Variants in IL1RAP observed in about 807,000 individuals in gnomAD.
IL1RAP encodes interleukin 1 receptor accessory protein.
A neutral mutation model predicts 60.7 loss-of-function variants in IL1RAP; 35 were observed. That is an observed-to-expected ratio of 0.58 (90% CI 0.44 to 0.76). IL1RAP has a LOEUF of 0.76. Ranked by LOEUF, IL1RAP falls within the 30% of genes least tolerant of loss-of-function variation. The probability of loss-of-function intolerance (pLI) is 0.00; values close to 1 mark genes in which losing one functional copy is unlikely to be tolerated. For missense variants in IL1RAP, 572 were observed against 693.9 expected (o/e 0.82, Z 1.97); for synonymous variants, 268 against 250.9 (o/e 1.07, Z -0.64).
In IL1RAP at chr3:190,565,257, T is replaced by G. The variant is rs529256452; in HGVS notation, c.64+904T>G. 2.4e-3 allele frequency among the ~76,000 whole-genome samples: 369 copies of G among 151,800 alleles called. 2 individuals are homozygous for G. The highest frequency in any genetic ancestry group is 8.5e-3 in the African/African-American group (353 of 41,388). On this transcript the variant is annotated intron_variant, in intron 3 of 11. Transcript: ENST00000447382. ...AATTGTAATGAAGGGAACCTAGAGGTCCTCATTTTATAAAGCTTTTCATGT... is the reference window on the plus strand; with the variant it reads ...AATTGTAATGAAGGGAACCTAGAGGGCCTCATTTTATAAAGCTTTTCATGT...
At position 190,656,979 on chromosome 3, in the gene IL1RAP, G is replaced by T. The variant is rs116178897; in HGVS notation, c.*372G>T. 9.5e-3 allele frequency: 1,558 copies of T among 164,600 alleles called. 27 individuals carry two copies. Among genetic ancestry groups the T allele is most frequent in the African/African-American group, 0.035 (1,466 of 41,834 alleles). 10.2% of individuals were successfully genotyped at this position (164,600 alleles called of 1,614,324 possible). A position where few individuals can be genotyped will look rare whatever the true frequency, so the allele number is the denominator to read the frequency against. ...CAGTCAGGTGTACTTGGGCTATGATGCTTACAGGGTGTATGCATTCCCAGG... is the reference window on the plus strand; with the variant it reads ...CAGTCAGGTGTACTTGGGCTATGATTCTTACAGGGTGTATGCATTCCCAGG... On this transcript the variant is annotated 3_prime_UTR_variant, in exon 12 of 12. Coordinates refer to the IL1RAP transcript ENST00000317757.
At chr3:190,597,193 C>T (rs1006224626) in intron 3 of IL1RAP, among the ~76,000 whole-genome samples, 6 of 152,018 alleles carry the variant, frequency 3.9e-5, no homozygotes, top group Middle Eastern at 3.2e-3. Flanking sequence ...CATATTAAGC[C>T]GATGGATTGG....
intron 3 of IL1RAP, among the ~76,000 whole-genome samples, chr3:190,574,377 A>C (rs1390111792): frequency 6.6e-6 from 1 of 152,210 alleles, no homozygotes. Flanking sequence ...CAGATGAATG[A>C]AGGAAAGGTG....
chr3:190,537,096 C>T (rs902748814), intron 1 of IL1RAP, among the ~76,000 whole-genome samples: 2 of 152,054 alleles, frequency 1.3e-5, no homozygotes, highest in East Asian at 1.9e-4. Flanking sequence ...AAGTGAGACT[C>T]GTAGCCTATC....
At chr3:190,548,808 A>G (rs1179862953) in intron 1 of IL1RAP, among the ~76,000 whole-genome samples, 1 of 152,202 alleles carries the variant, frequency 6.6e-6, no homozygotes, top group African/African-American at 2.4e-5. Context: ...GTTAAGACTT[A>G]TTTCCTTTCA....
At chr3:190,644,164 G>A in intron 9 of IL1RAP, 84 bp from the exon 10 acceptor site, 1 of 1,518,026 alleles carries the variant, frequency 6.6e-7, no homozygotes, top group African/African-American at 1.4e-5. Context: ...TAAGCTGCTT[G>A]GCTTATCCAG....
At chr3:190,651,862 CAG>C (rs952662720), downstream of IL1RAP, among the ~76,000 whole-genome samples, 4 of 135,664 alleles carry the variant, frequency 2.9e-5, no homozygotes, top group African/African-American at 1.5e-4. Context: ...TACAGAGAGA[CAG>C]AGAAAAAGGA....
At chr3:190,528,769 A>G (rs1722723966) in intron 1 of IL1RAP, among the ~76,000 whole-genome samples, 1 of 152,236 alleles carries the variant, frequency 6.6e-6, no homozygotes, top group South Asian at 2.1e-4. Context: ...AGGAAAGACA[A>G]TTGTGTAACT....
At chr3:190,654,220 A>ACACG (rs1734529701), downstream of IL1RAP, among the ~76,000 whole-genome samples, 2 of 150,146 alleles carry the variant, frequency 1.3e-5, no homozygotes, top group Admixed American at 1.3e-4. Flanking sequence ...ACACACACAC[A>ACACG]CACACACACA....
chr3:190,573,716 T>C (rs1229365132), intron 3 of IL1RAP, among the ~76,000 whole-genome samples: 1 of 152,218 alleles, frequency 6.6e-6, no homozygotes, highest in Non-Finnish European at 1.5e-5. Context: ...TGAAGCATTT[T>C]ACAGTATTGG....
intron 1 of IL1RAP, among the ~76,000 whole-genome samples, chr3:190,548,737 A>T (rs190294735): frequency 1.2e-4 from 19 of 152,344 alleles, no homozygotes; most frequent in African/African-American, 4.3e-4. Context: ...CAAAGGCAAG[A>T]TGAGAGAGAC....
chr3:190,626,051 C>T (rs779538977), intron 7 of IL1RAP, among the ~76,000 whole-genome samples: 1 of 152,060 alleles, frequency 6.6e-6, no homozygotes, highest in Non-Finnish European at 1.5e-5. Flanking sequence ...TCATCTAAAC[C>T]AGGACACTTT....
At chr3:190,575,264 A>G (rs1181731744) in intron 3 of IL1RAP, among the ~76,000 whole-genome samples, 1 of 152,142 alleles carries the variant, frequency 6.6e-6, no homozygotes, top group Admixed American at 6.6e-5. Context: ...GTATTCATTC[A>G]TTCATTCATC....
chr3:190,656,227 C>T (rs548561781), downstream of IL1RAP: 1 of 1,537,208 alleles, frequency 6.5e-7, no homozygotes, highest in South Asian at 1.2e-5. Flanking sequence ...CTGCTCTTCC[C>T]AGTCTGACAT....
At chr3:190,635,343 T>C (rs951996844) in intron 9 of IL1RAP, among the ~76,000 whole-genome samples, 5 of 152,144 alleles carry the variant, frequency 3.3e-5, no homozygotes, top group Admixed American at 2.6e-4. Flanking sequence ...CTCTGTTGTT[T>C]ATATATTTAT....
At chr3:190,560,499 G>T (rs546435296) in intron 2 of IL1RAP, among the ~76,000 whole-genome samples, 1 of 152,318 alleles carries the variant, frequency 6.6e-6, no homozygotes, top group East Asian at 1.9e-4. Context: ...CTGGAAGAGG[G>T]TGCTGACGAG....
At chr3:190,656,250 C>T (rs756244580), downstream of IL1RAP, 36 of 1,537,202 alleles carry the variant, frequency 2.3e-5, no homozygotes, top group South Asian at 1.2e-4. Flanking sequence ...GTCTGGATCA[C>T]GTTCAAAGGA....
At chr3:190,549,081 G>A (rs1161638420) in intron 1 of IL1RAP, among the ~76,000 whole-genome samples, 1 of 144,564 alleles carries the variant, frequency 6.9e-6, no homozygotes, top group African/African-American at 2.8e-5. Context: ...GAGAAAAATG[G>A]GATTTATTTG....
Position 190,515,066 on chromosome 3 carries a change from C to T in IL1RAP, c.-89+847C>T, listed in dbSNP as rs145527506. Among the ~76,000 whole-genome samples the T allele has an allele frequency of 1.3e-4, 20 of 152,286 alleles. No homozygotes were observed. The East Asian group carries it at 3.3e-3, about 25-fold the overall frequency. ...CTGGTTGTGAAATTGTGAACCAGGG[C>T]GCCACGCGAAGCATTCTGCTGCTCT... is the stretch of plus-strand genomic sequence containing the variant. On this transcript the variant is annotated intron_variant, in intron 1 of 11. Transcript: ENST00000447382.
Sources: allele counts gnomAD v4.1 joint callset (sites outside exome capture counted in the v4.1 genomes callset), GRCh38; gene constraint gnomAD v4.1.1; transcripts MANE v1.5; gene names NCBI Gene and HGNC (gene_info 2026-07-23, HGNC 2026-07-21).